SNX29: variants seen among roughly 807,000 people sequenced by gnomAD.
SNX29 encodes the protein sorting nexin 29.
SNX29 carries 78 observed loss-of-function variants against 102.1 expected under a neutral mutation model. The observed-to-expected ratio is 0.76, with a 90% CI of 0.64 to 0.92. The LOEUF (loss-of-function observed/expected upper bound fraction) is 0.92. Among genes scored for constraint, SNX29 ranks in the 40% least tolerant of loss-of-function variants. The pLI is 0.00. For synonymous variants in SNX29, 580 were observed against 414.5 expected, an observed-to-expected ratio of 1.40 and a Z score of -4.85; for missense variants, 1,280 against 1,061.7, an observed-to-expected ratio of 1.21 and a Z score of -2.86.
At chr16:12,481,252 C>G (rs8044568) in intron 19 of SNX29, among the ~76,000 whole-genome samples, 21,239 of 152,028 alleles carry the variant, frequency 0.14, 1,879 homozygotes, top group African/African-American at 0.25. Context: ...CCTGCTCCCA[C>G]TGGTGGGGGT....
chr16:11,984,123 T>A (rs1420478562), intron 1 of SNX29, among the ~76,000 whole-genome samples: 1 of 151,872 alleles, frequency 6.6e-6, no homozygotes, highest in Admixed American at 6.6e-5. Context: ...GAGGCTAAGG[T>A]GGGAGGATCG....
In SNX29 at chr16:12,350,673, T is replaced by A. The variant is rs142965127; in HGVS notation, c.1783-5490T>A. Among the ~76,000 whole-genome samples the A allele has an allele frequency of 1.8e-4, 28 of 152,348 alleles. No homozygotes were observed. In the South Asian group the frequency reaches 5.4e-3, roughly 29 times the overall value. ...ACAAATGAGGAAGAGGAAAACTGTT[T>A]CCTACAAGTAGGGAATGGCCCAACT... On this transcript the variant is annotated intron_variant, in intron 15 of 20. Coordinates refer to ENST00000566228, the MANE Select transcript of SNX29 (RefSeq NM_032167.5).
At chr16:12,079,773 A>C (rs2051771496) in intron 11 of SNX29, among the ~76,000 whole-genome samples, 1 of 151,976 alleles carries the variant, frequency 6.6e-6, no homozygotes, top group Non-Finnish European at 1.5e-5. Flanking sequence ...AGAGACCGGG[A>C]CTCCTCCTGT....
At chr16:12,471,562 C>G (rs1490764786) in intron 18 of SNX29, among the ~76,000 whole-genome samples, 1 of 152,216 alleles carries the variant, frequency 6.6e-6, no homozygotes, top group African/African-American at 2.4e-5. Flanking sequence ...GACGATGTGT[C>G]AGGTCCACGT....
chr16:12,325,622 T>G, intron 15 of SNX29, among the ~76,000 whole-genome samples: 1 of 152,200 alleles, frequency 6.6e-6, no homozygotes, highest in Non-Finnish European at 1.5e-5. Context: ...ACTTTGCTGG[T>G]TCTTCTTATT....
intron 19 of SNX29, among the ~76,000 whole-genome samples, chr16:12,513,083 C>G (rs1257706596): frequency 6.6e-6 from 1 of 152,076 alleles, no homozygotes; most frequent in African/African-American, 2.4e-5. Flanking sequence ...TGACATGCAT[C>G]CTGCCCTGCG....
At chr16:12,107,200 T>G (rs892690610) in intron 11 of SNX29, among the ~76,000 whole-genome samples, 2 of 152,174 alleles carry the variant, frequency 1.3e-5, no homozygotes, top group Non-Finnish European at 2.9e-5. Flanking sequence ...AGGCGAGAGA[T>G]GTCTTTATTC....
intron 14 of SNX29, among the ~76,000 whole-genome samples, chr16:12,236,778 C>T (rs1004012837): frequency 1.3e-5 from 2 of 152,198 alleles, no homozygotes; most frequent in Non-Finnish European, 2.9e-5. Flanking sequence ...TCTGAGCACT[C>T]GTCACATGCT....
At chr16:12,294,158 C>G (rs1204284280) in intron 15 of SNX29, among the ~76,000 whole-genome samples, 1 of 152,236 alleles carries the variant, frequency 6.6e-6, no homozygotes, top group Non-Finnish European at 1.5e-5. Flanking sequence ...GGCCCTGTCA[C>G]CTGACCTCTG....
intron 11 of SNX29, among the ~76,000 whole-genome samples, chr16:12,090,583 T>C (rs934537790): frequency 5.9e-5 from 9 of 152,192 alleles, no homozygotes; most frequent in Non-Finnish European, 1.0e-4. Context: ...GTTTAGGGTT[T>C]GAATTCTAGG....
intron 20 of SNX29, among the ~76,000 whole-genome samples, chr16:12,554,200 A>G (rs1411048923): frequency 1.3e-5 from 2 of 152,208 alleles, no homozygotes; most frequent in Non-Finnish European, 2.9e-5. Flanking sequence ...AACCATTTGA[A>G]CGATGAGCAT....
At chr16:12,262,409 A>T (rs2078801611) in intron 14 of SNX29, among the ~76,000 whole-genome samples, 1 of 152,228 alleles carries the variant, frequency 6.6e-6, no homozygotes. Flanking sequence ...CTAGACATTC[A>T]TCCCAAAGAG....
At chr16:12,543,627 C>G (rs1364120456) in intron 20 of SNX29, among the ~76,000 whole-genome samples, 1 of 152,036 alleles carries the variant, frequency 6.6e-6, no homozygotes, top group African/African-American at 2.4e-5. Context: ...TGCCCCAGTG[C>G]TCCGCAGCTG....
chr16:12,337,776 A>G (rs2081495840), intron 15 of SNX29, among the ~76,000 whole-genome samples: 1 of 152,222 alleles, frequency 6.6e-6, no homozygotes, highest in Non-Finnish European at 1.5e-5. Context: ...CAATGGCCTC[A>G]TGGAGAAACC....
intron 13 of SNX29, among the ~76,000 whole-genome samples, chr16:12,160,597 G>C (rs1448094828): frequency 6.6e-6 from 1 of 152,112 alleles, no homozygotes; most frequent in Non-Finnish European, 1.5e-5. Context: ...ATGGATATAG[G>C]TTTTCTTTTT....
intron 15 of SNX29, among the ~76,000 whole-genome samples, chr16:12,339,939 G>T (rs2081564641): frequency 6.6e-6 from 1 of 152,098 alleles, no homozygotes; most frequent in African/African-American, 2.4e-5. Flanking sequence ...GAAGAGAGGT[G>T]GTTTCTTAAG....
intron 18 of SNX29, among the ~76,000 whole-genome samples, chr16:12,416,730 A>G (rs758806229): frequency 2.6e-5 from 4 of 152,052 alleles, no homozygotes; most frequent in Non-Finnish European, 5.9e-5. Context: ...ATGGCAAGAG[A>G]AGGAGCAAGA....
At chr16:12,552,402 G>A (rs887984849) in intron 20 of SNX29, among the ~76,000 whole-genome samples, 2 of 152,252 alleles carry the variant, frequency 1.3e-5, no homozygotes, top group Non-Finnish European at 2.9e-5. Context: ...GCGCAGAGCA[G>A]TGGTGAGGAC....
At chr16:12,247,024 G>C (rs1302563299) in intron 14 of SNX29, among the ~76,000 whole-genome samples, 1 of 152,180 alleles carries the variant, frequency 6.6e-6, no homozygotes, top group Non-Finnish European at 1.5e-5. Flanking sequence ...GGGGAGCAGG[G>C]CCTTGTAGGT....
Sources: gnomAD v4.1 joint callset for allele counts (sites outside exome capture counted in the v4.1 genomes callset) on GRCh38, gnomAD v4.1.1 for gene constraint, MANE v1.5 for transcripts, NCBI Gene and HGNC (gene_info 2026-07-23, HGNC 2026-07-21) for gene names.